Variants in ACTR6 observed in about 807,000 individuals in gnomAD.
The protein encoded by ACTR6 is actin related protein 6, also known as actin-related protein 6.
ACTR6 carries 50 observed loss-of-function variants against 52.5 expected under a neutral mutation model. That is an observed-to-expected ratio of 0.95 (90% CI 0.76 to 1.20). ACTR6 has a LOEUF of 1.20. Ranked by LOEUF, ACTR6 falls within the 50% of genes most tolerant of loss-of-function variation. ACTR6 has a pLI of 0.00. For missense variants in ACTR6, 344 were observed against 472.4 expected (o/e 0.73, Z 2.52); for synonymous variants, 135 against 147.2 (o/e 0.92, Z 0.60).
rs1469773242 is a variant in ACTR6, at chr12:100,218,796, A to G, written c.922+210A>G. Among the ~76,000 whole-genome samples the G allele has an allele frequency of 2.0e-5, 3 of 152,118 alleles. No homozygotes were observed. Among genetic ancestry groups the G allele is most frequent in the African/African-American group, 7.2e-5 (3 of 41,430 alleles). On this transcript the variant is annotated intron_variant, in intron 9 of 10. Transcript: ENST00000188312. This position sits in a 1 kb window ranked among gnomAD's most constrained non-coding sequence, Gnocchi z 4.2. ...TGTGATTATAAATTCGATAGAGGAA[A>G]AATCATTATGGTCCATTTAAACTTG...
At chr12:100,203,465 A>C (rs1290419801) in intron 1 of ACTR6, among the ~76,000 whole-genome samples, 1 of 151,460 alleles carries the variant, frequency 6.6e-6, no homozygotes, top group Admixed American at 6.6e-5. Flanking sequence ...CACCATGCCC[A>C]GCTAATTTTT....
intron 8 of ACTR6, among the ~76,000 whole-genome samples, chr12:100,213,056 G>A (rs567243600): frequency 1.3e-5 from 2 of 151,374 alleles, no homozygotes; most frequent in South Asian, 4.2e-4. Context: ...GGCATTGGCA[G>A]GGCCTTAGAG....
intron 10 of ACTR6, chr12:100,221,580 G>T (rs1354960195): frequency 2.0e-5 from 3 of 151,882 alleles, no homozygotes; most frequent in African/African-American, 7.2e-5. Flanking sequence ...AAATATATGT[G>T]TATACTTATA....
intron 2 of ACTR6, 131 bp downstream of exon 2, chr12:100,205,188 A>T (rs2153899977): frequency 7.9e-3 from 3,174 of 400,060 alleles, no homozygotes; most frequent in East Asian, 0.011. Flanking sequence ...TTAAAATTTA[A>T]TTGTTTGGGT....
intron 9 of ACTR6, 98 bp from the exon 10 acceptor site, chr12:100,219,910 A>C (rs1298948522): frequency 7.8e-7 from 1 of 1,283,634 alleles, no homozygotes; most frequent in Non-Finnish European, 1.1e-6. Context: ...GTAATCCCTA[A>C]TTGCTTCTTA....
chr12:100,208,406 G>C (rs2096116882), intron 4 of ACTR6, among the ~76,000 whole-genome samples: 1 of 151,884 alleles, frequency 6.6e-6, no homozygotes, highest in African/African-American at 2.4e-5. Flanking sequence ...CTCCCAAGTA[G>C]CTGGGATTAC....
rs1326021047 is a variant in ACTR6, at chr12:100,210,352, G to A, written c.572+1G>A. On this transcript the variant is annotated splice_donor_variant, in intron 6 of 10. Coordinates refer to ENST00000188312, the MANE Select transcript of ACTR6 (RefSeq NM_022496.5). LOFTEE classifies it high-confidence loss of function. ...ATCTAAAGGAGATCATATCTTACAG[G>A]TGATGCTTAGCTTTGATTCTTTGGG... The A allele has an allele frequency of 1.2e-6, 2 of 1,613,648 alleles. No individual in the cohort carries two copies. The highest frequency in any genetic ancestry group is 2.2e-5 in the South Asian group (2 of 91,014).
intron 10 of ACTR6, 106 bp from the exon 11 acceptor site, chr12:100,223,679 CA>C (rs890345194): frequency 5.8e-5 from 80 of 1,387,218 alleles, no homozygotes; most frequent in South Asian, 7.9e-5. Flanking sequence ...ATTTTAATGG[CA>C]AAAAAAACAC....
intron 10 of ACTR6, among the ~76,000 whole-genome samples, chr12:100,223,271 G>A (rs1244505348): frequency 6.6e-6 from 1 of 152,090 alleles, no homozygotes; most frequent in Non-Finnish European, 1.5e-5. Flanking sequence ...AACCTGGGAG[G>A]CAGAGGTTGC....
At chr12:100,205,371 G>T (rs776993103) in intron 2 of ACTR6, 61 of 283,358 alleles carry the variant, frequency 2.2e-4, no homozygotes, top group Non-Finnish European at 3.2e-4. Flanking sequence ...TTGTGAGTTT[G>T]TTTTTTAACT....
chr12:100,212,282 A>G lies in ACTR6; in HGVS notation c.599A>G (p.His200Arg). The G allele has an allele frequency of 6.2e-7, 1 of 1,610,716 alleles. No individual in the cohort carries two copies. The highest frequency in any genetic ancestry group is 2.2e-5 in the East Asian group (1 of 44,798). ...CAGCTACATGTTATGGATGAAACAC[A>G]TGTGATTAATCAAGTGAAAGAAGAT... ...YRQLHVMDETHVINQVKEDVC... is the reference protein window; with the variant it reads ...YRQLHVMDETRVINQVKEDVC... Residue 200 changes from histidine (H) to arginine (R), a missense_variant, in exon 7 of 11, where the codon CAT becomes CGT. Coordinates refer to ENST00000188312, the MANE Select transcript of ACTR6 (RefSeq NM_022496.5).
intron 1 of ACTR6, 117 bp downstream of exon 1, chr12:100,201,036 A>G: frequency 1.3e-6 from 2 of 1,568,246 alleles, no homozygotes; most frequent in Non-Finnish European, 1.7e-6. Context: ...TGACTTAGCC[A>G]GAGGGATTCC....
intron 4 of ACTR6, chr12:100,208,072 G>A: frequency 3.6e-6 from 1 of 276,680 alleles, no homozygotes; most frequent in Non-Finnish European, 7.1e-6. Flanking sequence ...GAGGCAGAAG[G>A]ATCGTTTGAG....
chr12:100,205,604 A>T, intron 2 of ACTR6, 72 bp from the exon 3 acceptor site: 1 of 924,714 alleles, frequency 1.1e-6, no homozygotes, highest in Non-Finnish European at 1.6e-6. Flanking sequence ...AAATTATTCA[A>T]ATATTTATAA....
chr12:100,223,841 G>T lies in ACTR6; in HGVS notation c.1117G>T (p.Glu373Ter). The T allele has an allele frequency of 1.2e-6, 2 of 1,611,862 alleles. No homozygotes were observed. Among genetic ancestry groups the T allele is most frequent in the Non-Finnish European group, 1.7e-6 (2 of 1,179,144 alleles). The change falls in exon 11 of 11, where the codon GAA (glutamate) becomes TAA (stop). Residue 373 changes from glutamate (E) to a stop codon, truncating the protein, a stop_gained. Transcript: ENST00000188312. LOFTEE classifies it high-confidence loss of function. Reference protein sequence around the residue: ...GKLISENDDFEDMVVTREDYE... With the variant: ...GKLISENDDF The stretch of plus-strand genomic sequence containing the variant: ...ATTGATATCAGAGAATGATGATTTT[G>T]AAGATATGGTGGTAACAAGAGAAGA...
chr12:100,219,160 T>TAAAAAAAAAA (rs563553340), intron 9 of ACTR6, among the ~76,000 whole-genome samples: 2 of 117,938 alleles, frequency 1.7e-5, no homozygotes, highest in African/African-American at 3.2e-5. Context: ...TTCCTCTCAT[T>TAAAAAAAAAA]AAAAAAAAAA....
chr12:100,220,174 ACATGGAAGT>A, intron 10 of ACTR6, 28 bp downstream of exon 10: 1 of 1,594,078 alleles, frequency 6.3e-7, no homozygotes, highest in Admixed American at 1.7e-5. Flanking sequence ...TAGAAACGAA[ACATGGAAGT>A]CCACATGTAG....
chr12:100,204,137 A>C (rs1323905639), intron 1 of ACTR6: 1 of 151,252 alleles, frequency 6.6e-6, no homozygotes. Flanking sequence ...ACTGAACTTT[A>C]AAAAAAAATG....
chr12:100,205,171 A>C, intron 2 of ACTR6, 114 bp downstream of exon 2: 2 of 602,902 alleles, frequency 3.3e-6, no homozygotes, highest in Admixed American at 3.4e-5. Context: ...ACCTAATTAA[A>C]CCCAAATTAA....
Sources: gnomAD v4.1 joint callset for allele counts (sites outside exome capture counted in the v4.1 genomes callset) on GRCh38, gnomAD v4.1.1 for gene constraint, Gnocchi (gnomAD v3.1) non-coding constraint, MANE v1.5 for transcripts, NCBI Gene and HGNC (gene_info 2026-07-23, HGNC 2026-07-21) for gene names.